WNK2: variants seen among roughly 807,000 people sequenced by gnomAD.
The protein encoded by WNK2 is serine/threonine-protein kinase WNK2.
WNK2 carries 67 observed loss-of-function variants against 192.1 expected under a neutral mutation model. The ratio of observed to expected loss-of-function variants is 0.35; its 90% confidence interval spans 0.29 to 0.43. The LOEUF (loss-of-function observed/expected upper bound fraction) is 0.43, where lower values mean the gene tolerates loss of function less well. Among genes scored for constraint, WNK2 ranks in the 20% least tolerant of loss-of-function variants. WNK2 has a pLI of 1.00. For missense variants in WNK2, 2,698 were observed against 3,089.7 expected (o/e 0.87, Z 3.01); for synonymous variants, 1,439 against 1,393.9 (o/e 1.03, Z -0.72).
Position 93,267,796 on chromosome 9 carries a change from G to A in WNK2, c.3747G>A (p.Gln1249=). The A allele has an allele frequency of 1.2e-6, 2 of 1,611,682 alleles. No homozygotes were observed. Among genetic ancestry groups the A allele is most frequent in the Non-Finnish European group, 1.7e-6 (2 of 1,179,118 alleles). Reference sequence around the variant, plus strand: ...CCGAGCGGGAAACGTTCATCGAGCAGATGAAGGATGTCATGGACAAGGCAG... The same window carrying A: ...CCGAGCGGGAAACGTTCATCGAGCAAATGAAGGATGTCATGGACAAGGCAG... ...LQAERETFIE[Q]MKDVMDKAED... is the part of the protein sequence containing the mutation. Residue 1249 remains glutamine, a synonymous_variant, in exon 17 of 30, where the codon CAG becomes CAA. Coordinates refer to ENST00000427277, the MANE Select transcript of WNK2 (RefSeq NM_006648.4).
At chr9:93,284,510 A>C (rs1848172197) in intron 19 of WNK2, among the ~76,000 whole-genome samples, 1 of 151,896 alleles carries the variant, frequency 6.6e-6, no homozygotes, top group Non-Finnish European at 1.5e-5. Flanking sequence ...TGAAATGTGG[A>C]ATGCTTTCTC....
In WNK2 at chr9:93,267,936, G is replaced by A; in HGVS notation, c.3867+20G>A. ...GGGGAGGTGAGGTTGTGAAATCCGG[G>A]GTGGGAGGTGGTGAGAGTGCAGTGG... is the stretch of plus-strand genomic sequence containing the variant. On this transcript the variant is annotated intron_variant, in intron 17 of 29. Transcript: ENST00000427277. The A allele has an allele frequency of 6.2e-7, 1 of 1,610,874 alleles. No homozygotes were observed. Among genetic ancestry groups the A allele is most frequent in the Non-Finnish European group, 8.5e-7 (1 of 1,178,560 alleles).
At position 93,299,243 on chromosome 9, in the gene WNK2, G is replaced by T; in HGVS notation, c.6097G>T (p.Gly2033Cys). 1 of 1,574,644 alleles carries T rather than the reference G, an allele frequency of 6.4e-7. No homozygotes were observed. Among genetic ancestry groups the T allele is most frequent in the Non-Finnish European group, 8.7e-7 (1 of 1,154,444 alleles). ...DICSGLASDG[G>C]GARGQGWTVY... ...CTGCTCCGGCTTAGCCAGTGATGGA[G>T]GCGGAGCGCGTGGCCAAGGTGATTT... is the stretch of plus-strand genomic sequence containing the variant. Residue 2033 changes from glycine (G) to cysteine (C), a missense_variant, in exon 25 of 30, where the codon GGC (glycine) becomes TGC (cysteine). By Grantham distance (159) the Gly-to-Cys change is radical. This residue lies in a region of WNK2 where 1,098 missense variants were observed against 1,101.0 expected (regional missense o/e 1.00). Coordinates refer to ENST00000427277, the MANE Select transcript of WNK2 (RefSeq NM_006648.4).
chr9:93,279,599 G>A (rs1847415160), intron 19 of WNK2, among the ~76,000 whole-genome samples: 1 of 152,004 alleles, frequency 6.6e-6, no homozygotes, highest in Admixed American at 6.6e-5. Context: ...AAACACAAAG[G>A]GCATGGAAAA....
intron 5 of WNK2, among the ~76,000 whole-genome samples, chr9:93,236,398 C>T (rs1305789179): frequency 1.3e-5 from 2 of 152,208 alleles, no homozygotes; most frequent in African/African-American, 4.8e-5. Context: ...CCCCCACCCT[C>T]CTCCCTGACC....
intron 7 of WNK2, among the ~76,000 whole-genome samples, chr9:93,245,418 C>T (rs111811942): frequency 6.3e-4 from 96 of 152,336 alleles, no homozygotes; most frequent in African/African-American, 1.9e-3. Context: ...TCCCTCGGGA[C>T]GGGCTCAGGT....
At position 93,213,886 on chromosome 9, in the gene WNK2, A is replaced by G. The variant is rs184315522; in HGVS notation, c.682-15810A>G. On this transcript the variant is annotated intron_variant, in intron 2 of 29. Coordinates refer to ENST00000427277, the MANE Select transcript of WNK2 (RefSeq NM_006648.4). ...GTTTAATATAAACTAGCACTTTACCACATCGTGGGCAGTATAAGCATCTTA... is the reference window on the plus strand; with the variant it reads ...GTTTAATATAAACTAGCACTTTACCGCATCGTGGGCAGTATAAGCATCTTA... Among the ~76,000 whole-genome samples, 280 of 152,370 alleles carry G rather than the reference A, an allele frequency of 1.8e-3. 3 individuals carry two copies. The highest frequency in any genetic ancestry group is 4.2e-3 in the Admixed American group (64 of 15,308).
rs999018807 is a variant in WNK2 at position 93,239,663 on chromosome 9, G to A, written c.1323-94G>A. The A allele has an allele frequency of 1.3e-5, 15 of 1,131,082 alleles. No homozygotes were observed. The highest frequency in any genetic ancestry group is 1.9e-5 in the Non-Finnish European group (15 of 793,398). The allele number at this position is 1,131,082 out of a possible 1,614,324, so 70.1% of individuals were successfully genotyped here. A position where few individuals can be genotyped will look rare whatever the true frequency, so the allele number is the denominator to read the frequency against. On this transcript the variant is annotated intron_variant, in intron 6 of 29. Transcript: ENST00000427277. The surrounding 1 kb of genome is among the most constrained non-coding windows in gnomAD (Gnocchi z 4.2). Reference sequence around the variant, plus strand: ...GGCCTGGCCTCAGGCTCCTGCAGGTGTGCCTGTCCTTGTCCTGGTGCGCAT... The same window carrying A: ...GGCCTGGCCTCAGGCTCCTGCAGGTATGCCTGTCCTTGTCCTGGTGCGCAT...
At chr9:93,263,159 G>T in intron 14 of WNK2, 1 of 376,064 alleles carries the variant, frequency 2.7e-6, no homozygotes. Flanking sequence ...GTGACCATTT[G>T]TTCCACCCTC....
Position 93,289,234 on chromosome 9 carries a change from G to A in WNK2, c.4480G>A (p.Gly1494Ser), listed in dbSNP as rs1203542715. 1 of 1,605,242 alleles carries A rather than the reference G, an allele frequency of 6.2e-7. No individual in the cohort carries two copies. The highest frequency in any genetic ancestry group is 1.1e-5 in the South Asian group (1 of 90,560). ...PHSGTPQPAL[G>S]QPAPLLPAAV... ...CAGCGGGACCCCACAGCCCGCCTTG[G>A]GTCAACCTGCTCCCCTGCTTCCTGC... The change falls in exon 20 of 30, where the codon GGT (glycine) becomes AGT (serine). Residue 1494 changes from glycine (G) to serine (S), a missense_variant. By Grantham distance (56) the Gly-to-Ser change is moderately conservative (BLOSUM62 0). Transcript: ENST00000427277.
chr9:93,293,608 C>T (rs1464573436), intron 23 of WNK2, among the ~76,000 whole-genome samples: 2 of 152,160 alleles, frequency 1.3e-5, no homozygotes, highest in Admixed American at 6.5e-5. Flanking sequence ...GTGTGAGACA[C>T]CAGGCCCAGC....
intron 23 of WNK2, among the ~76,000 whole-genome samples, chr9:93,294,090 C>T (rs904107189): frequency 6.6e-6 from 1 of 152,208 alleles, no homozygotes; most frequent in African/African-American, 2.4e-5. Flanking sequence ...CCAAATTCAC[C>T]AGTGCCTGAA....
At position 93,262,692 on chromosome 9, in the gene WNK2, C is replaced by T. The variant is rs147863169; in HGVS notation, c.3383C>T (p.Pro1128Leu). ...VQEEQASQDK[P>L]PGLPQSCESY... The stretch of plus-strand genomic sequence containing the variant: ...CAGGAGCAGGCCTCACAGGACAAGC[C>T]GCCCGGCCTCCCGCAGAGCTGTGAG... The change falls in exon 14 of 30, where the codon CCG (proline) becomes CTG (leucine). Residue 1128 changes from proline to leucine, a missense_variant. Physicochemically the swap from Pro to Leu is moderately conservative, Grantham distance 98. Coordinates refer to ENST00000427277, the MANE Select transcript of WNK2 (RefSeq NM_006648.4). 4.2e-4 allele frequency: 677 copies of T among 1,612,506 alleles called. 3 individuals carry two copies. The African/African-American group carries it at 7.8e-3, about 18-fold the overall frequency.
intron 24 of WNK2, 69 bp downstream of exon 24, chr9:93,298,136 G>A: frequency 6.6e-7 from 1 of 1,506,140 alleles, no homozygotes; most frequent in Non-Finnish European, 9.0e-7. Context: ...TGGGAGGTAG[G>A]CTCCGTGCAG....
At chr9:93,278,334 CTG>C (rs532359210) in intron 19 of WNK2, among the ~76,000 whole-genome samples, 174 of 152,274 alleles carry the variant, frequency 1.1e-3, no homozygotes, top group African/African-American at 4.0e-3. Flanking sequence ...TCGCAGAGCA[CTG>C]TGTGTGAGGA....
chr9:93,292,308 C>G lies in WNK2; in HGVS notation c.4937C>G (p.Ala1646Gly). ...MEQGTSSSMT[A>G]ESSPRSMLGY... ...AGTAACGTTTCTGATGTTCCCATAG[C>G]AGAGTCGTCTCCCAGGAGTATGCTA... The change falls in exon 22 of 30, where the codon GCA (alanine) becomes GGA (glycine). Residue 1646 changes from alanine (A) to glycine (G), a missense_variant and splice_region_variant. Physicochemically the swap from Ala to Gly is moderately conservative, Grantham distance 60. Transcript: ENST00000427277. 1 of 1,613,910 alleles carries G rather than the reference C, an allele frequency of 6.2e-7. No individual in the cohort carries two copies. The highest frequency in any genetic ancestry group is 8.5e-7 in the Non-Finnish European group (1 of 1,179,862).
At chr9:93,313,200 G>A (rs1853986806) in intron 28 of WNK2, among the ~76,000 whole-genome samples, 1 of 152,054 alleles carries the variant, frequency 6.6e-6, no homozygotes, top group African/African-American at 2.4e-5. Context: ...CAATGTCTAG[G>A]CTTCCTTGGG....
chr9:93,223,714 C>T (rs1302562256), intron 2 of WNK2, among the ~76,000 whole-genome samples: 1 of 152,204 alleles, frequency 6.6e-6, no homozygotes, highest in African/African-American at 2.4e-5. Context: ...CCTGCTGGCC[C>T]CCAGCTTGGG....
rs1407961378 is a variant in WNK2, at chr9:93,257,086, C to A, written c.2329C>A (p.Pro777Thr). 6.2e-7 allele frequency: 1 copy of A among 1,608,830 alleles called. No individual in the cohort carries two copies. Among genetic ancestry groups the A allele is most frequent in the South Asian group, 1.1e-5 (1 of 90,920 alleles). ...SQVGAPAQLK[P>T]LQMPQAPLQP... ...GGTGGGGGCCCCCGCTCAGCTGAAG[C>A]CCCTCCAGATGCCACAGGCGCCCCT... The change falls in exon 11 of 30, where the codon CCC becomes ACC. Residue 777 changes from proline (P) to threonine (T), a missense_variant. Transcript: ENST00000427277. This position sits in a 1 kb window ranked among gnomAD's most constrained non-coding sequence, Gnocchi z 4.7.
Sources: allele counts gnomAD v4.1 joint callset (sites outside exome capture counted in the v4.1 genomes callset), GRCh38; gene constraint gnomAD v4.1.1; regional missense constraint gnomAD v4.1.1; non-coding constraint Gnocchi (gnomAD v3.1); transcripts MANE v1.5; gene names NCBI Gene and HGNC (gene_info 2026-07-23, HGNC 2026-07-21).